The following PRKCA variants were observed in gnomAD, a reference collection of about 807,000 sequenced individuals.
The protein encoded by PRKCA is protein kinase C alpha type.
In PRKCA, 27 loss-of-function variants were observed where a neutral mutation model predicts 87.0. The observed-to-expected ratio is 0.31, with a 90% CI of 0.23 to 0.43. PRKCA has a LOEUF of 0.43. Ranked by LOEUF, PRKCA falls within the 20% of genes least tolerant of loss-of-function variation. The pLI is 1.00. For synonymous variants in PRKCA, 329 were observed against 311.1 expected (o/e 1.06, Z -0.61); for missense variants, 518 against 852.3 (o/e 0.61, Z 4.88).
At chr17:66,644,789 A>G (rs985017772) in intron 4 of PRKCA, among the ~76,000 whole-genome samples, 2 of 152,104 alleles carry the variant, frequency 1.3e-5, no homozygotes, top group African/African-American at 2.4e-5. Flanking sequence ...ACTCTTTCTC[A>G]GTGGTAAGCC....
At chr17:66,633,211 A>G (rs1971068437) in intron 3 of PRKCA, among the ~76,000 whole-genome samples, 1 of 152,172 alleles carries the variant, frequency 6.6e-6, no homozygotes, top group Admixed American at 6.5e-5. Flanking sequence ...GTGGTCCCCA[A>G]GTTACATGCA....
chr17:66,362,687 TTC>T (rs1429916253), intron 2 of PRKCA, among the ~76,000 whole-genome samples: 123 of 151,864 alleles, frequency 8.1e-4, no homozygotes, highest in African/African-American at 2.9e-3. Context: ...TTTTTTTTTT[TTC>T]CTCTTTGTTT....
chr17:66,657,814 C>T (rs1971777902), intron 5 of PRKCA, among the ~76,000 whole-genome samples: 1 of 151,884 alleles, frequency 6.6e-6, no homozygotes, highest in African/African-American at 2.4e-5. Context: ...ACTCTGTTAT[C>T]CTTAAAACTT....
At chr17:66,486,606 C>T (rs1915997606) in intron 2 of PRKCA, among the ~76,000 whole-genome samples, 1 of 152,124 alleles carries the variant, frequency 6.6e-6, no homozygotes, top group African/African-American at 2.4e-5. Flanking sequence ...TACCATCAAC[C>T]ACAACACTTG....
chr17:66,642,856 A>G (rs1399694635), intron 4 of PRKCA, among the ~76,000 whole-genome samples: 3 of 152,256 alleles, frequency 2.0e-5, no homozygotes, highest in Admixed American at 6.5e-5. Context: ...CAGCCTGACC[A>G]ACATAGCGAA....
rs773258598 is a variant in PRKCA, at chr17:66,732,797, T to C, written c.1028T>C (p.Met343Thr). 6.2e-6 allele frequency: 10 copies of C among 1,614,064 alleles called. No individual in the cohort carries two copies. In the Middle Eastern group the frequency reaches 1.3e-3, roughly 213 times the overall value. Residue 343 changes from methionine to threonine, a missense_variant, in exon 9 of 17, where the codon ATG (methionine) becomes ACG (threonine). Met to Thr is a moderately conservative substitution (Grantham distance 81). This residue lies in a region of PRKCA where 300 missense variants were observed against 496.8 expected (regional missense o/e 0.60). Transcript: ENST00000413366. ...AAACTCACGGACTTCAATTTCCTCA[T>C]GGTGTTGGGAAAGGGGAGTTTTGGA... ...RVKLTDFNFL[M>T]VLGKGSFGKV... is the part of the protein sequence containing the mutation.
intron 2 of PRKCA, among the ~76,000 whole-genome samples, chr17:66,321,673 AG>A (rs1372021888): frequency 6.6e-6 from 1 of 152,138 alleles, no homozygotes; most frequent in African/African-American, 2.4e-5. Flanking sequence ...CCTCCCAAGT[AG>A]CTGGGATTAC....
intron 5 of PRKCA, among the ~76,000 whole-genome samples, chr17:66,673,496 T>G (rs1224587169): frequency 6.6e-6 from 1 of 152,218 alleles, no homozygotes; most frequent in Non-Finnish European, 1.5e-5. Flanking sequence ...GTATTTTTAG[T>G]GTATCTCATT....
chr17:66,342,472 A>G (rs889889762), intron 2 of PRKCA, among the ~76,000 whole-genome samples: 1 of 145,092 alleles, frequency 6.9e-6, no homozygotes, highest in African/African-American at 2.5e-5. Context: ...TAATAATAAT[A>G]ATAATAATAA....
chr17:66,413,478 C>T (rs1856033120), intron 2 of PRKCA, among the ~76,000 whole-genome samples: 2 of 152,124 alleles, frequency 1.3e-5, no homozygotes, highest in South Asian at 2.1e-4. Flanking sequence ...TCTCTCCCTT[C>T]CCCAGAGGTC....
intron 5 of PRKCA, among the ~76,000 whole-genome samples, chr17:66,686,054 G>C (rs1338843991): frequency 6.6e-6 from 1 of 152,150 alleles, no homozygotes; most frequent in Non-Finnish European, 1.5e-5. Flanking sequence ...TTGGGTATCT[G>C]ATAATTCAGC....
chr17:66,731,351 G>GAAAAAAAAAAA (rs5821509), intron 8 of PRKCA, among the ~76,000 whole-genome samples: 3 of 112,444 alleles, frequency 2.7e-5, no homozygotes, highest in Admixed American at 9.4e-5. Context: ...CTCCGTCTCA[G>GAAAAAAAAAAA]AAAAAAAAAA....
At chr17:66,730,930 G>C (rs1426577392) in intron 8 of PRKCA, among the ~76,000 whole-genome samples, 2 of 152,202 alleles carry the variant, frequency 1.3e-5, no homozygotes, top group African/African-American at 2.4e-5. Flanking sequence ...CCATAGTAAA[G>C]CCCCTTGAGT....
intron 4 of PRKCA, 77 bp downstream of exon 4, chr17:66,641,543 A>G (rs1971297387): frequency 2.8e-6 from 3 of 1,053,430 alleles, no homozygotes; most frequent in South Asian, 1.6e-5. Context: ...AGGAAGGCTC[A>G]GTAACTTTTC....
intron 8 of PRKCA, among the ~76,000 whole-genome samples, chr17:66,723,783 C>T (rs1567996808): frequency 6.6e-6 from 1 of 152,178 alleles, no homozygotes; most frequent in African/African-American, 2.4e-5. Flanking sequence ...AGTCTTCTTA[C>T]TACTATATTA....
intron 3 of PRKCA, among the ~76,000 whole-genome samples, chr17:66,575,763 A>T (rs1322085937): frequency 1.3e-5 from 2 of 152,114 alleles, no homozygotes; most frequent in Admixed American, 6.5e-5. Context: ...CAGTGTCTGG[A>T]TAGAGTAAAC....
At chr17:66,446,332 G>A (rs1914036210) in intron 2 of PRKCA, among the ~76,000 whole-genome samples, 2 of 152,140 alleles carry the variant, frequency 1.3e-5, no homozygotes, top group South Asian at 4.1e-4. Context: ...CCTTGGTGTG[G>A]CCAGCCTGGT....
At chr17:66,691,716 A>T (rs1046607526) in intron 8 of PRKCA, among the ~76,000 whole-genome samples, 8 of 152,112 alleles carry the variant, frequency 5.3e-5, no homozygotes, top group Admixed American at 5.2e-4. Context: ...AACCTTCCTT[A>T]CCGAATGTTA....
intron 1 of PRKCA, among the ~76,000 whole-genome samples, chr17:66,305,434 G>C (rs1238102135): frequency 6.6e-6 from 1 of 152,166 alleles, no homozygotes; most frequent in Non-Finnish European, 1.5e-5. Context: ...GTCCACGTCA[G>C]GGTTCTCTGC....
Sources: allele counts gnomAD v4.1 joint callset (sites outside exome capture counted in the v4.1 genomes callset), GRCh38; gene constraint gnomAD v4.1.1; regional missense constraint gnomAD v4.1.1; transcripts MANE v1.5; gene names NCBI Gene and HGNC (gene_info 2026-07-23, HGNC 2026-07-21).